The following TRAF3 variants were observed in gnomAD, a reference collection of about 807,000 sequenced individuals.
TRAF3 encodes the protein TNF receptor associated factor 3.
A neutral mutation model predicts 62.3 loss-of-function variants in TRAF3; 13 were observed. The observed-to-expected ratio is 0.21, with a 90% confidence interval of 0.14 to 0.33. TRAF3 has a LOEUF of 0.33. Among genes scored for constraint, TRAF3 ranks in the 10% least tolerant of loss-of-function variants. TRAF3 has a pLI of 1.00. For missense variants in TRAF3, 440 were observed against 741.8 expected, an observed-to-expected ratio of 0.59 and a Z score of 4.73; for synonymous variants, 269 against 283.4, an observed-to-expected ratio of 0.95 and a Z score of 0.51.
chr14:102,861,318 C>A (rs1407366787), intron 2 of TRAF3, among the ~76,000 whole-genome samples: 2 of 152,220 alleles, frequency 1.3e-5, no homozygotes, highest in African/African-American at 4.8e-5. Context: ...TAGTGCCAAA[C>A]TGGTTCTTAG....
intron 2 of TRAF3, among the ~76,000 whole-genome samples, chr14:102,842,597 A>G (rs1886443199): frequency 6.6e-6 from 1 of 152,174 alleles, no homozygotes; most frequent in East Asian, 1.9e-4. Context: ...AATTTTCCAA[A>G]TTTGATGAAA....
At chr14:102,795,166 T>C (rs190547998) in intron 1 of TRAF3, among the ~76,000 whole-genome samples, 1 of 152,282 alleles carries the variant, frequency 6.6e-6, no homozygotes, top group East Asian at 1.9e-4. Context: ...TGCAGAGGTG[T>C]GTATGGATGT....
At chr14:102,796,920 T>C (rs1451443838) in intron 1 of TRAF3, among the ~76,000 whole-genome samples, 1 of 152,268 alleles carries the variant, frequency 6.6e-6, no homozygotes, top group African/African-American at 2.4e-5. Context: ...GCCTTTGGGC[T>C]TGCTTCCTTA....
At chr14:102,804,409 C>T (rs905038387) in intron 1 of TRAF3, among the ~76,000 whole-genome samples, 2 of 152,114 alleles carry the variant, frequency 1.3e-5, no homozygotes, top group Admixed American at 1.3e-4. Context: ...ACTGTGAGGC[C>T]GCCGTAGCAA....
intron 10 of TRAF3, among the ~76,000 whole-genome samples, chr14:102,900,503 A>C (rs1042617828): frequency 2.6e-5 from 4 of 152,176 alleles, no homozygotes; most frequent in Admixed American, 1.3e-4. Flanking sequence ...TGTCTCAAAG[A>C]AAAAAAAGAA....
At chr14:102,843,336 T>C (rs1341667151) in intron 2 of TRAF3, among the ~76,000 whole-genome samples, 1 of 152,014 alleles carries the variant, frequency 6.6e-6, no homozygotes, top group African/African-American at 2.4e-5. Context: ...GGGAAAAATT[T>C]TTATTTATAT....
chr14:102,828,270 A>G (rs1188273760), intron 1 of TRAF3, among the ~76,000 whole-genome samples: 1 of 152,240 alleles, frequency 6.6e-6, no homozygotes, highest in East Asian at 1.9e-4. Context: ...GCTTTCAGAA[A>G]GACTGCAATG....
chr14:102,804,575 C>T (rs1338488714), intron 1 of TRAF3, among the ~76,000 whole-genome samples: 1 of 152,046 alleles, frequency 6.6e-6, no homozygotes, highest in African/African-American at 2.4e-5. Flanking sequence ...GGAGCATCAA[C>T]CTCCTGGGCT....
At chr14:102,802,665 A>G (rs1898513824) in intron 1 of TRAF3, among the ~76,000 whole-genome samples, 1 of 151,640 alleles carries the variant, frequency 6.6e-6, no homozygotes, top group East Asian at 2.0e-4. Context: ...CATCTCTACT[A>G]AAAATACAAA....
intron 1 of TRAF3, among the ~76,000 whole-genome samples, chr14:102,811,700 A>G (rs1168063997): frequency 6.7e-6 from 1 of 149,842 alleles, no homozygotes. Flanking sequence ...ATGGGCTGAC[A>G]TTGTGAGGAG....
At chr14:102,899,534 T>C (rs193253354) in intron 10 of TRAF3, among the ~76,000 whole-genome samples, 191 of 152,324 alleles carry the variant, frequency 1.3e-3, no homozygotes, top group African/African-American at 3.9e-3. Context: ...GTGGACCCGC[T>C]CATTGTTCCT....
chr14:102,870,167 A>G lies in TRAF3; in HGVS notation c.-17-18A>G, dbSNP rs746648409. On this transcript the variant is annotated intron_variant, in intron 2 of 11. Transcript: ENST00000392745. ...GCATGAGAGGATATGATGGCACTCTACTGTTTTTTCCCGACAGAACTCCTC... is the reference window on the plus strand; with the variant it reads ...GCATGAGAGGATATGATGGCACTCTGCTGTTTTTTCCCGACAGAACTCCTC... 1.2e-6 allele frequency: 2 copies of G among 1,613,984 alleles called. No individual in the cohort carries two copies. The highest frequency in any genetic ancestry group is 1.7e-6 in the Non-Finnish European group (2 of 1,180,008).
chr14:102,820,594 A>ATTTTTTTTTTT, intron 1 of TRAF3, among the ~76,000 whole-genome samples: 1 of 10,102 alleles, frequency 9.9e-5, no homozygotes, highest in African/African-American at 1.9e-4. Flanking sequence ...ATATATATAT[A>ATTTTTTTTTTT]TATATATATA....
At chr14:102,884,852 CA>C (rs1376322690) in intron 6 of TRAF3, among the ~76,000 whole-genome samples, 7 of 152,050 alleles carry the variant, frequency 4.6e-5, no homozygotes, top group Non-Finnish European at 8.8e-5. Context: ...TGTGCTTAAC[CA>C]CACATTACTA....
intron 6 of TRAF3, among the ~76,000 whole-genome samples, chr14:102,877,772 C>T (rs907612579): frequency 2.0e-5 from 3 of 149,882 alleles, no homozygotes; most frequent in African/African-American, 7.4e-5. Context: ...GCCTTCCGCT[C>T]AGCTCATAGA....
chr14:102,793,106 C>G (rs1318330757), intron 1 of TRAF3, among the ~76,000 whole-genome samples: 1 of 152,108 alleles, frequency 6.6e-6, no homozygotes, highest in Admixed American at 6.5e-5. Context: ...CCACTGCACC[C>G]TGCCTGTAGT....
intron 4 of TRAF3, among the ~76,000 whole-genome samples, chr14:102,874,016 T>C (rs1888496266): frequency 6.6e-6 from 1 of 152,022 alleles, no homozygotes; most frequent in South Asian, 2.1e-4. Context: ...TCCCAGGACT[T>C]TGGGAGGCTG....
chr14:102,853,495 C>A (rs993795266), intron 2 of TRAF3, among the ~76,000 whole-genome samples: 2 of 152,070 alleles, frequency 1.3e-5, no homozygotes, highest in African/African-American at 4.8e-5. Context: ...ACAAAATTCA[C>A]CACTTAAACC....
At chr14:102,891,110 C>G (rs1889686236) in intron 8 of TRAF3, among the ~76,000 whole-genome samples, 2 of 152,350 alleles carry the variant, frequency 1.3e-5, no homozygotes, top group Middle Eastern at 3.4e-3. Flanking sequence ...CTGCAGGGTG[C>G]TGGCTCTGCT....
Sources: gnomAD v4.1 joint callset for allele counts (sites outside exome capture counted in the v4.1 genomes callset) on GRCh38, gnomAD v4.1.1 for gene constraint, MANE v1.5 for transcripts, NCBI Gene and HGNC (gene_info 2026-07-23, HGNC 2026-07-21) for gene names.